SORCS2: variants seen among roughly 807,000 people sequenced by gnomAD.
SORCS2 encodes VPS10 domain-containing receptor SorCS2.
In SORCS2, 100 loss-of-function variants were observed where a neutral mutation model predicts 141.6. That is an observed-to-expected ratio of 0.71 (90% CI 0.60 to 0.83). The LOEUF (loss-of-function observed/expected upper bound fraction) is 0.83, where lower values mean the gene tolerates loss of function less well. SORCS2 is among the 40% of genes least tolerant of loss of function. SORCS2 has a pLI of 0.00. For synonymous variants in SORCS2, 789 were observed against 676.9 expected (o/e 1.17, Z -2.57); for missense variants, 1,646 against 1,560.2 (o/e 1.05, Z -0.93).
rs114526993 is a variant in SORCS2, at chr4:7,492,242, G to A, written c.549-39288G>A. Among the ~76,000 whole-genome samples, 1,347 of 152,230 alleles carry A rather than the reference G, an allele frequency of 8.8e-3. 22 individuals carry two copies. Among genetic ancestry groups the A allele is most frequent in the African/African-American group, 0.031 (1,292 of 41,514 alleles). ...ACATCTCCCGAGTCCTCCCTGCCTC[G>A]CCCAGCCCCCGGTAACTACCATTCT... On this transcript the variant is annotated intron_variant, in intron 2 of 26. Coordinates refer to ENST00000507866, the MANE Select transcript of SORCS2 (RefSeq NM_020777.3).
chr4:7,284,552 C>T (rs1300214422), intron 1 of SORCS2, among the ~76,000 whole-genome samples: 1 of 152,202 alleles, frequency 6.6e-6, no homozygotes. Flanking sequence ...GACCCTCAGT[C>T]CATCCCTCAG....
rs1181254384 is a variant in SORCS2 at position 7,663,723 on chromosome 4, A to AAGGAAGAGG, written c.953-616_953-608dup. Among the ~76,000 whole-genome samples, 5 of 152,080 alleles carry AAGGAAGAGG rather than the reference A, an allele frequency of 3.3e-5. No homozygotes were observed. The highest frequency in any genetic ancestry group is 6.5e-5 in the Admixed American group (1 of 15,270). ...AGGCTGGGGGCAGGAGGAGGAGGAAAAGGAAGAGGAGGAAGAGGAGGAGGA... is the reference window on the plus strand; with the variant it reads ...AGGCTGGGGGCAGGAGGAGGAGGAAAAGGAAGAGGAGGAAGAGGAGGAAGAGGAGGAGGA... On this transcript the variant is annotated intron_variant, in intron 6 of 26. Transcript: ENST00000507866. This position sits in a 1 kb window ranked among gnomAD's most constrained non-coding sequence, Gnocchi z 4.8.
chr4:7,286,139 T>C lies in SORCS2; in HGVS notation c.480+93013T>C, dbSNP rs921185305. Among the ~76,000 whole-genome samples the C allele has an allele frequency of 1.3e-5, 2 of 152,208 alleles. No individual in the cohort carries two copies. Among genetic ancestry groups the C allele is most frequent in the African/African-American group, 2.4e-5 (1 of 41,452 alleles). ...TGTCCCCCTCAGTCCCCTGATGAGC[T>C]GGTAAACAGTCTCCTAGAGTCTCCA... is the stretch of plus-strand genomic sequence containing the variant. On this transcript the variant is annotated intron_variant, in intron 1 of 26. Transcript: ENST00000507866. This position sits in a 1 kb window ranked among gnomAD's most constrained non-coding sequence, Gnocchi z 4.1.
chr4:7,278,221 G>A (rs1377502963), intron 1 of SORCS2, among the ~76,000 whole-genome samples: 1 of 152,192 alleles, frequency 6.6e-6, no homozygotes, highest in Non-Finnish European at 1.5e-5. Flanking sequence ...GGGAGGAGCT[G>A]CATGGGCATC....
chr4:7,390,906 CT>C (rs1431809200), intron 1 of SORCS2, among the ~76,000 whole-genome samples: 1 of 152,190 alleles, frequency 6.6e-6, no homozygotes, highest in East Asian at 1.9e-4. Flanking sequence ...GGAGCAACTC[CT>C]CCAATTGACA....
chr4:7,401,099 A>G (rs576893091), intron 2 of SORCS2, among the ~76,000 whole-genome samples: 2 of 152,158 alleles, frequency 1.3e-5, no homozygotes, highest in South Asian at 2.1e-4. Context: ...GGATAGATGA[A>G]TGGATGGATA....
At chr4:7,316,518 T>A (rs551897973) in intron 1 of SORCS2, among the ~76,000 whole-genome samples, 1 of 152,204 alleles carries the variant, frequency 6.6e-6, no homozygotes, top group African/African-American at 2.4e-5. Context: ...TCTGCAAGAG[T>A]TGGCTCTCAT....
Position 7,233,487 on chromosome 4 carries a change from CGCTGGGCTCAGGGTGAGCAGACACTT to C in SORCS2, c.480+40368_480+40393del, listed in dbSNP as rs1712050418. 1.3e-5 allele frequency among the ~76,000 whole-genome samples: 2 copies of C among 152,188 alleles called. No homozygotes were observed. The highest frequency in any genetic ancestry group is 4.8e-5 in the African/African-American group (2 of 41,448). On this transcript the variant is annotated intron_variant, in intron 1 of 26. Transcript: ENST00000507866. The surrounding 1 kb of genome is among the most constrained non-coding windows in gnomAD (Gnocchi z 4.5). ...TGGGCCACAGTGCAGTACAGACCCT[CGCTGGGCTCAGGGTGAGCAGACACTT>C]GCTGGGTTCAGGGTGAGCAGACACT...
intron 2 of SORCS2, among the ~76,000 whole-genome samples, chr4:7,514,733 C>T (rs1732871440): frequency 6.6e-6 from 1 of 152,138 alleles, no homozygotes; most frequent in Non-Finnish European, 1.5e-5. Context: ...CAACCAGGGA[C>T]ACCCCTGTGA....
At chr4:7,328,668 C>T (rs1352398094) in intron 1 of SORCS2, among the ~76,000 whole-genome samples, 5 of 152,126 alleles carry the variant, frequency 3.3e-5, no homozygotes, top group African/African-American at 1.2e-4. Flanking sequence ...CTGCCCTGGC[C>T]TCACGGACTT....
intron 2 of SORCS2, among the ~76,000 whole-genome samples, chr4:7,515,233 G>A: frequency 6.6e-6 from 1 of 152,224 alleles, no homozygotes; most frequent in East Asian, 1.9e-4. Context: ...GCCAGCTCAA[G>A]GTCACACAGC....
rs994643294 is a variant in SORCS2 at position 7,259,634 on chromosome 4, C to T, written c.480+66508C>T. On this transcript the variant is annotated intron_variant, in intron 1 of 26. Coordinates refer to ENST00000507866, the MANE Select transcript of SORCS2 (RefSeq NM_020777.3). ...GCCCATCCTTTGATGTAGCAGTACC[C>T]GCCTCCCCTCCTGCCTCCCGCCCTA... Among the ~76,000 whole-genome samples, 8 of 152,200 alleles carry T rather than the reference C, an allele frequency of 5.3e-5. No homozygotes were observed. The South Asian group carries it at 6.2e-4, about 12-fold the overall frequency.
intron 3 of SORCS2, among the ~76,000 whole-genome samples, chr4:7,540,167 TGCCCCTC>T (rs1712497383): frequency 6.4e-4 from 1 of 1,554 alleles, no homozygotes; most frequent in Non-Finnish European, 5.2e-3. Flanking sequence ...TGCCTCTCCC[TGCCCCTC>T]CCTGCCCCTC....
rs78223584 is a variant in SORCS2 at position 7,562,435 on chromosome 4, G to T, written c.648+30806G>T. Among the ~76,000 whole-genome samples, 1,473 of 152,254 alleles carry T rather than the reference G, an allele frequency of 9.7e-3. 21 individuals are homozygous for T. The highest frequency in any genetic ancestry group is 0.028 in the African/African-American group (1,146 of 41,548). ...GCTGGGGAGACAGTAGGCTGTGAAC[G>T]CTGGGATAGTGATAGGGAGTTTGGA... On this transcript the variant is annotated intron_variant, in intron 3 of 26. Transcript: ENST00000507866.
chr4:7,401,237 G>A (rs952057649), intron 2 of SORCS2, among the ~76,000 whole-genome samples: 3 of 152,174 alleles, frequency 2.0e-5, no homozygotes, highest in Middle Eastern at 3.4e-3. Flanking sequence ...ATGGATGGAT[G>A]GACAGATGAA....
intron 2 of SORCS2, among the ~76,000 whole-genome samples, chr4:7,448,752 C>T (rs1432226293): frequency 2.4e-5 from 3 of 123,924 alleles, no homozygotes; most frequent in Admixed American, 1.6e-4. Flanking sequence ...CTCTCCCCTC[C>T]CTCCCTCTTT....
At chr4:7,727,887 C>G (rs1727333635) in intron 21 of SORCS2, among the ~76,000 whole-genome samples, 1 of 152,188 alleles carries the variant, frequency 6.6e-6, no homozygotes, top group East Asian at 1.9e-4. Context: ...CCTCTGCTCT[C>G]AAGGGACTCT....
At chr4:7,375,174 G>A (rs1477131225) in intron 1 of SORCS2, among the ~76,000 whole-genome samples, 1 of 152,194 alleles carries the variant, frequency 6.6e-6, no homozygotes, top group Non-Finnish European at 1.5e-5. Flanking sequence ...CCCATGAAGT[G>A]GAGCTCCCTA....
chr4:7,550,532 A>G (rs1415000604), intron 3 of SORCS2, among the ~76,000 whole-genome samples: 1 of 152,180 alleles, frequency 6.6e-6, no homozygotes, highest in Non-Finnish European at 1.5e-5. Context: ...AAGACATGAG[A>G]TAGAATTGAA....
Sources: gnomAD v4.1 joint callset for allele counts (sites outside exome capture counted in the v4.1 genomes callset) on GRCh38, gnomAD v4.1.1 for gene constraint, Gnocchi (gnomAD v3.1) non-coding constraint, MANE v1.5 for transcripts, NCBI Gene and HGNC (gene_info 2026-07-23, HGNC 2026-07-21) for gene names.